NELL1: variants seen among roughly 807,000 people sequenced by gnomAD.
NELL1 encodes protein kinase C-binding protein NELL1.
A neutral mutation model predicts 107.4 loss-of-function variants in NELL1; 76 were observed. The ratio of observed to expected loss-of-function variants is 0.71; its 90% CI spans 0.59 to 0.86. NELL1 has a LOEUF of 0.86. Among genes scored for constraint, NELL1 ranks in the 40% least tolerant of loss-of-function variants. The probability of loss-of-function intolerance (pLI) is 0.00; values close to 1 mark genes in which losing one functional copy is unlikely to be tolerated. For synonymous variants in NELL1, 353 were observed against 341.2 expected (o/e 1.03, Z -0.38); for missense variants, 1,024 against 1,005.5 (o/e 1.02, Z -0.25).
At chr11:20,751,497 G>A (rs2133945609) in intron 2 of NELL1, among the ~76,000 whole-genome samples, 1 of 152,050 alleles carries the variant, frequency 6.6e-6, no homozygotes, top group East Asian at 1.9e-4. Flanking sequence ...TTCTTTTGGA[G>A]TTGGGGTCTC....
At chr11:20,843,124 C>A (rs2134051985) in intron 3 of NELL1, among the ~76,000 whole-genome samples, 1 of 152,166 alleles carries the variant, frequency 6.6e-6, no homozygotes, top group East Asian at 1.9e-4. Context: ...TATGTGGTGG[C>A]TTATTCCTTT....
intron 15 of NELL1, among the ~76,000 whole-genome samples, chr11:21,482,087 G>C (rs558305419): frequency 2.5e-4 from 38 of 152,276 alleles, no homozygotes; most frequent in African/African-American, 8.7e-4. Context: ...TAAGCAAAAA[G>C]GAATTAACAA....
At chr11:21,268,262 C>G (rs981985573) in intron 14 of NELL1, among the ~76,000 whole-genome samples, 4 of 152,126 alleles carry the variant, frequency 2.6e-5, no homozygotes, top group Non-Finnish European at 5.9e-5. Context: ...GAGAGGCCCT[C>G]ACACTTTTGT....
At chr11:21,292,221 C>T (rs1210068136) in intron 14 of NELL1, among the ~76,000 whole-genome samples, 1 of 152,192 alleles carries the variant, frequency 6.6e-6, no homozygotes, top group Non-Finnish European at 1.5e-5. Flanking sequence ...TGATAATCAG[C>T]TTCAGCAAAG....
Position 21,481,366 on chromosome 11 carries a change from C to G in NELL1, c.1646-53008C>G, listed in dbSNP as rs1854487648. Among the ~76,000 whole-genome samples the G allele has an allele frequency of 2.0e-5, 3 of 152,098 alleles. No individual in the cohort carries two copies. The South Asian group carries it at 6.2e-4, about 32-fold the overall frequency. ...ATGATGAAAGTTCCATGAGGTCATT[C>G]CTCTGAGAAAGGGTTAGAGGAGATG... On this transcript the variant is annotated intron_variant, in intron 15 of 19. Coordinates refer to ENST00000357134, the MANE Select transcript of NELL1 (RefSeq NM_006157.5).
intron 2 of NELL1, among the ~76,000 whole-genome samples, chr11:20,749,541 C>T (rs1299720873): frequency 6.6e-6 from 1 of 152,056 alleles, no homozygotes; most frequent in African/African-American, 2.4e-5. Context: ...GTTGAGGCTG[C>T]AGTAAGCTGT....
chr11:20,812,313 T>C lies in NELL1; in HGVS notation c.335+28483T>C, dbSNP rs111650235. ...ACTTGATAATGGTGAAGGATCTTTT[T>C]TGATGTACTGTTGCACTCTCTTTGA... On this transcript the variant is annotated intron_variant, in intron 3 of 19. Coordinates refer to ENST00000357134, the MANE Select transcript of NELL1 (RefSeq NM_006157.5). 8.8e-3 allele frequency among the ~76,000 whole-genome samples: 1,342 copies of C among 152,330 alleles called. 22 individuals are homozygous for C. The highest frequency in any genetic ancestry group is 0.031 in the African/African-American group (1,270 of 41,570).
chr11:21,295,087 C>G (rs1316634009), intron 14 of NELL1, among the ~76,000 whole-genome samples: 1 of 151,972 alleles, frequency 6.6e-6, no homozygotes, highest in African/African-American at 2.4e-5. Flanking sequence ...AAAATACTTA[C>G]CATATGTCAG....
chr11:21,200,731 T>C (rs1328474646), intron 13 of NELL1, among the ~76,000 whole-genome samples: 1 of 152,212 alleles, frequency 6.6e-6, no homozygotes, highest in Non-Finnish European at 1.5e-5. Context: ...TGAATGGTAT[T>C]GCCTAGGTTT....
chr11:20,755,557 TTTTTG>T (rs1564895065), intron 2 of NELL1, among the ~76,000 whole-genome samples: 2 of 14,160 alleles, frequency 1.4e-4, no homozygotes, highest in African/African-American at 2.6e-4. Flanking sequence ...TTTGTTTTTG[TTTTTG>T]TTTTTTTTTT....
chr11:20,874,632 ATC>A (rs1397906951), intron 4 of NELL1, among the ~76,000 whole-genome samples: 1 of 152,190 alleles, frequency 6.6e-6, no homozygotes, highest in Non-Finnish European at 1.5e-5. Context: ...GTGCCTCTCC[ATC>A]TCTCTGAGTT....
chr11:20,992,731 T>G (rs1397482377), intron 12 of NELL1, among the ~76,000 whole-genome samples: 2 of 121,182 alleles, frequency 1.7e-5, no homozygotes, highest in Non-Finnish European at 3.4e-5. Context: ...TTTTTTTTTT[T>G]GAAACAGAGT....
At chr11:21,489,946 CA>C (rs1334758827) in intron 15 of NELL1, among the ~76,000 whole-genome samples, 1 of 151,614 alleles carries the variant, frequency 6.6e-6, no homozygotes, top group Non-Finnish European at 1.5e-5. Context: ...GAGCCCTCAG[CA>C]AAACAATCAG....
chr11:21,361,904 A>C (rs940382922), intron 14 of NELL1, among the ~76,000 whole-genome samples: 4 of 151,706 alleles, frequency 2.6e-5, no homozygotes, highest in Non-Finnish European at 4.4e-5. Flanking sequence ...ACTGTTTTTT[A>C]ATTTCTTTAA....
intron 15 of NELL1, among the ~76,000 whole-genome samples, chr11:21,375,921 A>G (rs955746045): frequency 7.9e-5 from 12 of 151,934 alleles, no homozygotes; most frequent in African/African-American, 2.9e-4. Flanking sequence ...TGAATTGCTT[A>G]TGTTCCTTAT....
chr11:21,218,694 G>A (rs1381180847), intron 13 of NELL1, among the ~76,000 whole-genome samples: 1 of 151,976 alleles, frequency 6.6e-6, no homozygotes, highest in East Asian at 1.9e-4. Context: ...CTATACTTTT[G>A]TGAACTCAAA....
intron 1 of NELL1, among the ~76,000 whole-genome samples, chr11:20,674,077 G>T (rs961172148): frequency 6.6e-6 from 1 of 152,100 alleles, no homozygotes; most frequent in Non-Finnish European, 1.5e-5. Context: ...TTTTTATGAG[G>T]TGTTTTCATA....
intron 14 of NELL1, among the ~76,000 whole-genome samples, chr11:21,342,421 G>C (rs969230675): frequency 2.7e-5 from 4 of 145,478 alleles, no homozygotes; most frequent in Non-Finnish European, 6.0e-5. Context: ...TGGGGGGGGG[G>C]GTCACTTGAG....
At chr11:21,490,327 T>C (rs2133914667) in intron 15 of NELL1, among the ~76,000 whole-genome samples, 1 of 151,778 alleles carries the variant, frequency 6.6e-6, no homozygotes, top group African/African-American at 2.4e-5. Flanking sequence ...TGCTTATAGA[T>C]CAGAAGAATT....
Sources: gnomAD v4.1 joint callset for allele counts (sites outside exome capture counted in the v4.1 genomes callset) on GRCh38, gnomAD v4.1.1 for gene constraint, MANE v1.5 for transcripts, NCBI Gene and HGNC (gene_info 2026-07-23, HGNC 2026-07-21) for gene names.